The following CCDC171 variants were observed in gnomAD, a reference collection of about 807,000 sequenced individuals.
CCDC171 encodes the protein coiled-coil domain containing 171, also known as coiled-coil domain-containing protein 171.
CCDC171 carries 177 observed loss-of-function variants against 168.2 expected under a neutral mutation model. The ratio of observed to expected loss-of-function variants is 1.05; its 90% CI spans 0.93 to 1.19. The LOEUF is 1.19. CCDC171 is among the 50% of genes most tolerant of loss of function. CCDC171 has a pLI of 0.00. For missense variants in CCDC171, 1,991 were observed against 1,539.0 expected (o/e 1.29, Z -4.91); for synonymous variants, 687 against 540.8 (o/e 1.27, Z -3.75).
chr9:15,631,636 T>C (rs545932647), intron 7 of CCDC171, among the ~76,000 whole-genome samples: 251 of 152,220 alleles, frequency 1.6e-3, no homozygotes, highest in African/African-American at 5.7e-3. Context: ...TTCCAGTCAA[T>C]AGAAAAAGAG....
intron 11 of CCDC171, among the ~76,000 whole-genome samples, chr9:15,708,907 A>ATC (rs2052445900): frequency 6.6e-6 from 1 of 152,176 alleles, no homozygotes; most frequent in South Asian, 2.1e-4. Context: ...AACTTTGGAG[A>ATC]ATTTATACAT....
At chr9:15,992,315 C>A (rs1832227846) in intron 3 of CCDC171, among the ~76,000 whole-genome samples, 1 of 152,018 alleles carries the variant, frequency 6.6e-6, no homozygotes, top group East Asian at 1.9e-4. Context: ...ATAAACAGAA[C>A]CAAAGACAGA....
intron 3 of CCDC171, among the ~76,000 whole-genome samples, chr9:15,577,642 C>T (rs1287777790): frequency 6.6e-6 from 1 of 152,126 alleles, no homozygotes; most frequent in Admixed American, 6.5e-5. Context: ...CATTCTAAGT[C>T]TTAAAACAAA....
chr9:15,757,087 C>T (rs1482932099), intron 18 of CCDC171, among the ~76,000 whole-genome samples: 1 of 152,002 alleles, frequency 6.6e-6, no homozygotes, highest in Non-Finnish European at 1.5e-5. Context: ...TGAAAAGATA[C>T]CTGAAAATGT....
At chr9:15,671,341 A>T (rs966437625) in intron 9 of CCDC171, among the ~76,000 whole-genome samples, 28 of 150,500 alleles carry the variant, frequency 1.9e-4, no homozygotes, top group Middle Eastern at 3.4e-3. Flanking sequence ...TTTTTTTTTT[A>T]AATTTATTTT....
At chr9:15,666,075 A>G in intron 8 of CCDC171, 88 bp from the exon 9 acceptor site, 2 of 1,149,578 alleles carry the variant, frequency 1.7e-6, no homozygotes, top group East Asian at 2.4e-5. Flanking sequence ...ATGAATGATA[A>G]TCTGTTACTG....
At chr9:15,727,818 T>A (rs2053905453) in intron 14 of CCDC171, 51 bp from the exon 15 acceptor site, 2 of 1,438,572 alleles carry the variant, frequency 1.4e-6, no homozygotes, top group Non-Finnish European at 1.9e-6. Context: ...GTATTTTACT[T>A]CTTACAATGT....
At chr9:16,032,026 T>G (rs575246749) in intron 6 of CCDC171, among the ~76,000 whole-genome samples, 12 of 152,144 alleles carry the variant, frequency 7.9e-5, no homozygotes, top group African/African-American at 2.7e-4. Context: ...GAGAGAAACA[T>G]GTTCAAAGGC....
chr9:15,767,665 G>A (rs1237998058), intron 18 of CCDC171, among the ~76,000 whole-genome samples: 2 of 151,666 alleles, frequency 1.3e-5, no homozygotes, highest in Non-Finnish European at 2.9e-5. Flanking sequence ...AAAGACCACT[G>A]TCCTGCCTTT....
At chr9:15,754,410 A>G (rs2055963005) in intron 18 of CCDC171, among the ~76,000 whole-genome samples, 1 of 152,114 alleles carries the variant, frequency 6.6e-6, no homozygotes, top group Admixed American at 6.6e-5. Context: ...GTGAGATAAT[A>G]CTTTTTGAGC....
intron 25 of CCDC171, among the ~76,000 whole-genome samples, chr9:15,927,114 T>C (rs922447265): frequency 2.6e-5 from 4 of 151,732 alleles, no homozygotes; most frequent in Non-Finnish European, 4.4e-5. Flanking sequence ...ATAATTATCT[T>C]TAAAAACTAT....
intron 23 of CCDC171, among the ~76,000 whole-genome samples, chr9:15,862,641 AG>A (rs2061610251): frequency 6.6e-6 from 1 of 151,554 alleles, no homozygotes; most frequent in Non-Finnish European, 1.5e-5. Flanking sequence ...AAAAAAAAAA[AG>A]AACCTACCAT....
chr9:16,015,573 TC>T (rs1832990909), intron 3 of CCDC171, among the ~76,000 whole-genome samples: 1 of 152,188 alleles, frequency 6.6e-6, no homozygotes, highest in African/African-American at 2.4e-5. Context: ...CAAGTGCCCT[TC>T]CTCCTCACTG....
chr9:16,047,495 C>T (rs1219572682), intron 1 of CCDC171, among the ~76,000 whole-genome samples: 1 of 152,224 alleles, frequency 6.6e-6, no homozygotes, highest in African/African-American at 2.4e-5. Flanking sequence ...CTGCAGCCTC[C>T]AGGTGGTCCC....
intron 7 of CCDC171, among the ~76,000 whole-genome samples, chr9:15,645,976 A>T (rs1402060974): frequency 6.6e-6 from 1 of 152,194 alleles, no homozygotes; most frequent in Admixed American, 6.5e-5. Context: ...TGAAGATAAA[A>T]ATGTTAAGGG....
At chr9:15,958,177 C>G (rs1373518953) in intron 25 of CCDC171, among the ~76,000 whole-genome samples, 2 of 151,950 alleles carry the variant, frequency 1.3e-5, no homozygotes, top group African/African-American at 4.8e-5. Context: ...TATAGAGTAC[C>G]TGCTCTGTAC....
the CCDC171 span, among the ~76,000 whole-genome samples, chr9:16,075,966 G>A: frequency 6.6e-6 from 1 of 152,186 alleles, no homozygotes; most frequent in Non-Finnish European, 1.5e-5. Flanking sequence ...TCATGTATAT[G>A]TACTGAGTCA....
At chr9:15,987,843 G>A (rs1832044173) in intron 3 of CCDC171, among the ~76,000 whole-genome samples, 1 of 148,350 alleles carries the variant, frequency 6.7e-6, no homozygotes, top group Admixed American at 6.7e-5. Flanking sequence ...ATTCATTTAT[G>A]TTTCATATAT....
At chr9:15,775,619 A>G (rs561801160) in intron 18 of CCDC171, among the ~76,000 whole-genome samples, 3 of 152,294 alleles carry the variant, frequency 2.0e-5, no homozygotes, top group Admixed American at 1.3e-4. Context: ...TGACCGGCCT[A>G]TTTATTAAAA....
Sources: gnomAD v4.1 joint callset for allele counts (sites outside exome capture counted in the v4.1 genomes callset) on GRCh38, gnomAD v4.1.1 for gene constraint, MANE v1.5 for transcripts, NCBI Gene and HGNC (gene_info 2026-07-23, HGNC 2026-07-21) for gene names.